Variants in OLA1 observed in about 807,000 individuals in gnomAD.
The protein encoded by OLA1 is Obg like ATPase 1.
A neutral mutation model predicts 48.4 loss-of-function variants in OLA1; 14 were observed. That is an observed-to-expected ratio of 0.29 (90% CI 0.19 to 0.45). The LOEUF (loss-of-function observed/expected upper bound fraction) is 0.45, where lower values mean the gene tolerates loss of function less well. OLA1 is among the 20% of genes least tolerant of loss of function. OLA1 has a pLI of 1.00. For synonymous variants in OLA1, 127 were observed against 150.4 expected (o/e 0.84, Z 1.14); for missense variants, 325 against 467.1 (o/e 0.70, Z 2.80).
At chr2:174,223,451 T>C (rs1228682013) in intron 3 of OLA1, among the ~76,000 whole-genome samples, 6 of 152,156 alleles carry the variant, frequency 3.9e-5, no homozygotes, top group Non-Finnish European at 2.9e-5. Context: ...TAAAGTTCTA[T>C]TGGCACATGC....
intron 4 of OLA1, among the ~76,000 whole-genome samples, chr2:174,183,358 T>G (rs1276310749): frequency 1.3e-5 from 2 of 152,150 alleles, no homozygotes; most frequent in African/African-American, 2.4e-5. Flanking sequence ...GAGTTCAGTC[T>G]CTCATGGGTT....
intron 7 of OLA1, among the ~76,000 whole-genome samples, chr2:174,088,700 G>A (rs1306214946): frequency 1.3e-5 from 2 of 152,034 alleles, no homozygotes; most frequent in African/African-American, 4.8e-5. Flanking sequence ...ATGTTTGAAA[G>A]TCTAATCCCT....
chr2:174,229,209 T>G (rs1158639769), intron 3 of OLA1, 99 bp downstream of exon 3: 2 of 1,231,768 alleles, frequency 1.6e-6, no homozygotes, highest in Non-Finnish European at 2.3e-6. Flanking sequence ...AAAACAATAA[T>G]GCTACATTAA....
intron 2 of OLA1, among the ~76,000 whole-genome samples, chr2:174,241,301 G>C (rs993292706): frequency 2.0e-5 from 3 of 152,150 alleles, no homozygotes; most frequent in African/African-American, 7.2e-5. Context: ...CATTCCCGAC[G>C]AACAAAAATT....
At chr2:174,144,981 T>TATATAA (rs1225168099) in intron 4 of OLA1, among the ~76,000 whole-genome samples, 2 of 108,108 alleles carry the variant, frequency 1.8e-5, no homozygotes, top group Admixed American at 1.0e-4. Flanking sequence ...TATATATATA[T>TATATAA]AATCACGGAA....
chr2:174,246,779 G>A lies in OLA1; in HGVS notation c.37C>T (p.Pro13Ser), dbSNP rs780009261. ...PKKGGDGIKPPPIIGRFGTSL... is the reference protein window; with the variant it reads ...PKKGGDGIKPSPIIGRFGTSL... ...GTTCCAAATCTTCCAATGATTGGGG[G>A]TGGTTTAATTCCATCACCTCCCTTT... Residue 13 changes from proline to serine, a missense_variant, in exon 2 of 11, where the codon CCC becomes TCC. By Grantham distance (74) the Pro-to-Ser change is moderately conservative. Coordinates refer to ENST00000284719, the MANE Select transcript of OLA1 (RefSeq NM_013341.5). The A allele has an allele frequency of 4.3e-6, 7 of 1,612,872 alleles. No homozygotes were observed. In the Admixed American group the frequency reaches 5.0e-5, roughly 12 times the overall value.
intron 5 of OLA1, among the ~76,000 whole-genome samples, chr2:174,124,673 T>G (rs1686006145): frequency 6.6e-6 from 1 of 152,206 alleles, no homozygotes; most frequent in Non-Finnish European, 1.5e-5. Context: ...TAAAGATAAT[T>G]TATGGATATG....
At chr2:174,185,189 A>T (rs1687628491) in intron 4 of OLA1, among the ~76,000 whole-genome samples, 2 of 152,224 alleles carry the variant, frequency 1.3e-5, no homozygotes, top group African/African-American at 2.4e-5. Flanking sequence ...ACAGCATAAA[A>T]GGAAAAGAGC....
intron 7 of OLA1, among the ~76,000 whole-genome samples, chr2:174,110,831 C>T (rs1032833338): frequency 6.6e-6 from 1 of 152,120 alleles, no homozygotes; most frequent in African/African-American, 2.4e-5. Flanking sequence ...ATCCTCCTGC[C>T]TCGGTCTCCC....
intron 4 of OLA1, among the ~76,000 whole-genome samples, chr2:174,165,044 T>C (rs1335635513): frequency 1.3e-5 from 2 of 152,122 alleles, no homozygotes; most frequent in African/African-American, 4.8e-5. Context: ...ATTAAGACCT[T>C]AGGGAAAGTT....
At chr2:174,109,162 T>C (rs1029716414) in intron 7 of OLA1, among the ~76,000 whole-genome samples, 2 of 152,208 alleles carry the variant, frequency 1.3e-5, no homozygotes, top group African/African-American at 4.8e-5. Context: ...TGATACATAG[T>C]AAGAAAGTAG....
intron 7 of OLA1, among the ~76,000 whole-genome samples, chr2:174,115,793 A>T (rs1359769617): frequency 2.6e-5 from 4 of 152,152 alleles, no homozygotes; most frequent in Non-Finnish European, 1.5e-5. Context: ...GGTCTTCCCC[A>T]GCCGCCCTAA....
At chr2:174,081,552 C>A (rs1684853588) in intron 8 of OLA1, among the ~76,000 whole-genome samples, 1 of 151,998 alleles carries the variant, frequency 6.6e-6, no homozygotes, top group East Asian at 1.9e-4. Flanking sequence ...GCCATAAAAG[C>A]AAAATTATTT....
At chr2:174,137,343 C>T (rs942330281) in intron 5 of OLA1, among the ~76,000 whole-genome samples, 11 of 150,254 alleles carry the variant, frequency 7.3e-5, no homozygotes, top group African/African-American at 2.4e-4. Context: ...ATCCAGGTTT[C>T]GTTGTTCCAC....
At chr2:174,151,793 C>A (rs1190816107) in intron 4 of OLA1, among the ~76,000 whole-genome samples, 1 of 152,168 alleles carries the variant, frequency 6.6e-6, no homozygotes, top group Non-Finnish European at 1.5e-5. Context: ...AAAATACAAA[C>A]TCCTATTTAT....
intron 4 of OLA1, among the ~76,000 whole-genome samples, chr2:174,167,719 G>T (rs74386259): frequency 2.4e-4 from 37 of 152,160 alleles, no homozygotes; most frequent in Non-Finnish European, 4.9e-4. Context: ...ATTATACTTG[G>T]TAGTAAGTTA....
intron 4 of OLA1, among the ~76,000 whole-genome samples, chr2:174,158,145 A>G (rs1686929393): frequency 6.6e-6 from 1 of 152,180 alleles, no homozygotes; most frequent in South Asian, 2.1e-4. Context: ...TCAGTCTACA[A>G]GATCTAGTCC....
chr2:174,241,592 A>C (rs753564580), intron 2 of OLA1, among the ~76,000 whole-genome samples: 4 of 152,140 alleles, frequency 2.6e-5, no homozygotes, highest in Non-Finnish European at 5.9e-5. Context: ...ACAGTATACT[A>C]GTTGCCCATA....
At chr2:174,112,935 G>T (rs555765014) in intron 7 of OLA1, among the ~76,000 whole-genome samples, 3 of 152,096 alleles carry the variant, frequency 2.0e-5, no homozygotes, top group South Asian at 4.2e-4. Flanking sequence ...CATCACTGAA[G>T]AATTATTATT....
Sources: allele counts gnomAD v4.1 joint callset (sites outside exome capture counted in the v4.1 genomes callset), GRCh38; gene constraint gnomAD v4.1.1; transcripts MANE v1.5; gene names NCBI Gene and HGNC (gene_info 2026-07-23, HGNC 2026-07-21).